UBE3C: variants seen among roughly 807,000 people sequenced by gnomAD.
UBE3C encodes the protein ubiquitin protein ligase E3C.
A neutral mutation model predicts 129.4 loss-of-function variants in UBE3C; 42 were observed. That is an observed-to-expected ratio of 0.32 (90% confidence interval 0.25 to 0.42). The LOEUF (loss-of-function observed/expected upper bound fraction) is 0.42, where lower values mean the gene tolerates loss of function less well. Among genes scored for constraint, UBE3C ranks in the 10% least tolerant of loss-of-function variants. UBE3C has a pLI of 1.00. For synonymous variants in UBE3C, 510 were observed against 492.4 expected (o/e 1.04, Z -0.47); for missense variants, 1,049 against 1,319.1 (o/e 0.80, Z 3.17).
chr7:157,169,656 A>G (rs1808312635), intron 3 of UBE3C, among the ~76,000 whole-genome samples: 1 of 151,490 alleles, frequency 6.6e-6, no homozygotes, highest in African/African-American at 2.4e-5. Flanking sequence ...GATTACAAGC[A>G]TAAGCCACTG....
At chr7:157,244,045 A>T (rs1796413478) in intron 18 of UBE3C, among the ~76,000 whole-genome samples, 1 of 152,150 alleles carries the variant, frequency 6.6e-6, no homozygotes, top group Non-Finnish European at 1.5e-5. Context: ...ATCCTGGCCA[A>T]CGTGGGGAAA....
intron 18 of UBE3C, among the ~76,000 whole-genome samples, chr7:157,242,979 C>T (rs908674668): frequency 6.6e-6 from 1 of 151,934 alleles, no homozygotes; most frequent in Non-Finnish European, 1.5e-5. Context: ...CGCTTGAAAC[C>T]GGAAGGCAGA....
intron 4 of UBE3C, among the ~76,000 whole-genome samples, chr7:157,173,128 C>T (rs1240024500): frequency 1.3e-5 from 2 of 152,210 alleles, no homozygotes; most frequent in Admixed American, 1.3e-4. Context: ...AATACCAACA[C>T]TTTGTGGGGC....
intron 10 of UBE3C, 33 bp from the exon 11 acceptor site, chr7:157,201,688 A>G (rs369248519): frequency 7.1e-6 from 6 of 846,894 alleles, no homozygotes; most frequent in East Asian, 4.3e-5. Flanking sequence ...TAATTGCTTT[A>G]CTGTTCTGTG....
At chr7:157,242,523 T>TTG (rs1220298787) in intron 18 of UBE3C, among the ~76,000 whole-genome samples, 5 of 146,930 alleles carry the variant, frequency 3.4e-5, no homozygotes, top group Non-Finnish European at 7.5e-5. Flanking sequence ...TGTTTTTTTT[T>TTG]TTTTTTTTTT....
intron 14 of UBE3C, among the ~76,000 whole-genome samples, chr7:157,217,427 C>CAGACGTA (rs1795613484): frequency 6.7e-6 from 1 of 149,652 alleles, no homozygotes; most frequent in African/African-American, 2.5e-5. Context: ...GCTGGGATTA[C>CAGACGTA]AGACGTAAGC....
intron 17 of UBE3C, among the ~76,000 whole-genome samples, chr7:157,227,223 A>C (rs1563064956): frequency 6.6e-6 from 1 of 152,096 alleles, no homozygotes; most frequent in Non-Finnish European, 1.5e-5. Flanking sequence ...TTAACCTTGA[A>C]GGGCCTTCCA....
In UBE3C at chr7:157,267,782, A is replaced by C; in HGVS notation, c.*27A>C. 1 of 1,548,448 alleles carries C rather than the reference A, an allele frequency of 6.5e-7. No homozygotes were observed. Among genetic ancestry groups the C allele is most frequent in the South Asian group, 1.2e-5 (1 of 80,410 alleles). On this transcript the variant is annotated 3_prime_UTR_variant, in exon 23 of 23. Transcript: ENST00000348165. Reference sequence around the variant, plus strand: ...GCTGATGCTGGGGTCAGACCCCTACAGAGAACCAGTGCTTCCTTCGTCAGC... The same window carrying C: ...GCTGATGCTGGGGTCAGACCCCTACCGAGAACCAGTGCTTCCTTCGTCAGC...
chr7:157,226,927 T>C (rs1795895265), intron 17 of UBE3C, among the ~76,000 whole-genome samples: 1 of 152,176 alleles, frequency 6.6e-6, no homozygotes. Context: ...TGACTCCTAA[T>C]CTAACTAATC....
At chr7:157,194,684 C>T (rs913911541) in intron 10 of UBE3C, among the ~76,000 whole-genome samples, 1 of 152,114 alleles carries the variant, frequency 6.6e-6, no homozygotes, top group African/African-American at 2.4e-5. Context: ...GGTAAAATAT[C>T]TAAATCATCA....
At chr7:157,217,982 C>G (rs1795628815) in intron 14 of UBE3C, among the ~76,000 whole-genome samples, 1 of 152,142 alleles carries the variant, frequency 6.6e-6, no homozygotes, top group Non-Finnish European at 1.5e-5. Flanking sequence ...AAGATCGTGC[C>G]ACTGCACTGC....
At chr7:157,199,035 T>C (rs1040088559) in intron 10 of UBE3C, among the ~76,000 whole-genome samples, 1 of 152,160 alleles carries the variant, frequency 6.6e-6, no homozygotes, top group Non-Finnish European at 1.5e-5. Context: ...TTAGAACCTG[T>C]AGGAAGAACT....
At chr7:157,192,873 A>G (rs1173321233) in intron 10 of UBE3C, 1 of 905,344 alleles carries the variant, frequency 1.1e-6, no homozygotes, top group Non-Finnish European at 1.8e-6. Context: ...TAAAAAAAAA[A>G]AAAAGAAGGG....
At chr7:157,240,718 G>T (rs1319759526) in intron 18 of UBE3C, among the ~76,000 whole-genome samples, 2 of 152,168 alleles carry the variant, frequency 1.3e-5, no homozygotes, top group Admixed American at 1.3e-4. Context: ...AGGGAAGCTG[G>T]ACAGGAGAGG....
At chr7:157,139,483 T>G in intron 1 of UBE3C, 145 bp downstream of exon 1, 27 of 695,182 alleles carry the variant, frequency 3.9e-5, no homozygotes, top group East Asian at 1.2e-4. Context: ...GACTCGGGGC[T>G]TCCTCGCCGG....
chr7:157,160,194 G>T (rs1448809557), intron 1 of UBE3C, among the ~76,000 whole-genome samples: 2 of 151,724 alleles, frequency 1.3e-5, no homozygotes, highest in African/African-American at 4.8e-5. Flanking sequence ...CCTGCCTCAG[G>T]CCTCCAAGTA....
At chr7:157,201,149 C>T (rs1174933558) in intron 10 of UBE3C, among the ~76,000 whole-genome samples, 1 of 151,662 alleles carries the variant, frequency 6.6e-6, no homozygotes, top group Admixed American at 6.6e-5. Flanking sequence ...CGTTGTGAAA[C>T]CTCATCTCTA....
intron 14 of UBE3C, among the ~76,000 whole-genome samples, chr7:157,219,534 A>G (rs1308578237): frequency 6.6e-6 from 1 of 152,224 alleles, no homozygotes; most frequent in Non-Finnish European, 1.5e-5. Flanking sequence ...TACATCTTTA[A>G]CAACACCATG....
At chr7:157,175,338 A>G (rs141306414) in intron 5 of UBE3C, among the ~76,000 whole-genome samples, 13 of 152,224 alleles carry the variant, frequency 8.5e-5, no homozygotes, top group African/African-American at 3.1e-4. Context: ...GCCAGCCAAA[A>G]GAGGACTCCT....
Sources: allele counts gnomAD v4.1 joint callset (sites outside exome capture counted in the v4.1 genomes callset), GRCh38; gene constraint gnomAD v4.1.1; transcripts MANE v1.5; gene names NCBI Gene and HGNC (gene_info 2026-07-23, HGNC 2026-07-21).